MGA: variants seen among roughly 807,000 people sequenced by gnomAD.
MGA encodes the protein MAX gene-associated protein.
In MGA, 40 loss-of-function variants were observed where a neutral mutation model predicts 261.1. That is an observed-to-expected ratio of 0.15 (90% CI 0.12 to 0.20). MGA has a LOEUF of 0.20. Ranked by LOEUF, MGA falls within the 10% of genes least tolerant of loss-of-function variation. The pLI, the probability that MGA is intolerant of heterozygous loss-of-function variation, is 1.00. For missense variants in MGA, 3,397 were observed against 3,630.5 expected (o/e 0.94, Z 1.65); for synonymous variants, 1,302 against 1,290.6 (o/e 1.01, Z -0.19).
chr15:41,656,377 T>TCTCTCTCCCTCTCTCTCTCACA (rs1555403733), upstream of MGA, among the ~76,000 whole-genome samples: 1 of 68,276 alleles, frequency 1.5e-5, no homozygotes, highest in Non-Finnish European at 3.5e-5. Context: ...TCTCTCTCTC[T>TCTCTCTCCCTCTCTCTCTCACA]CACACCCAGG....
intron 18 of MGA, 114 bp from the exon 19 acceptor site, chr15:41,757,673 CA>C: frequency 1.4e-6 from 1 of 704,768 alleles, no homozygotes; most frequent in Non-Finnish European, 2.4e-6. Flanking sequence ...GGCCATATAT[CA>C]CACCTTGGGA....
At chr15:41,699,383 T>C (rs2059717114) in intron 5 of MGA, among the ~76,000 whole-genome samples, 1 of 152,222 alleles carries the variant, frequency 6.6e-6, no homozygotes. Flanking sequence ...TAATATCTTA[T>C]GTAAGAAAAA....
intron 2 of MGA, chr15:41,691,684 G>C (rs766829539): frequency 7.8e-6 from 4 of 513,212 alleles, no homozygotes; most frequent in Non-Finnish European, 1.6e-5. Context: ...GGCTTCTTTT[G>C]GTAGGTATAG....
intron 2 of MGA, 75 bp from the exon 3 acceptor site, chr15:41,695,996 CTTTT>C: frequency 8.0e-6 from 7 of 870,282 alleles, no homozygotes; most frequent in Admixed American, 2.8e-5. Context: ...TTCCTAACAT[CTTTT>C]TTTTTTTTTC....
At chr15:41,689,108 A>G (rs909500733) in intron 2 of MGA, among the ~76,000 whole-genome samples, 1 of 152,208 alleles carries the variant, frequency 6.6e-6, no homozygotes, top group Non-Finnish European at 1.5e-5. Context: ...TATATGGATT[A>G]CAATGTGCAT....
rs887756368 is a variant in MGA at position 41,750,257 on chromosome 15, A to C, written c.6650A>C (p.Gln2217Pro). The change falls in exon 17 of 24, where the codon CAA (glutamine) becomes CCA (proline). Residue 2217 changes from glutamine (Q) to proline (P), a missense_variant. By Grantham distance (76) the Gln-to-Pro change is moderately conservative. Coordinates refer to ENST00000219905, the MANE Select transcript of MGA (RefSeq NM_001164273.2). ...CAGGAAAATTCAGATGTGTTTCAGC[A>C]AGAACAAGGCATCTCTGACTTACTT... 51 of 1,613,876 alleles carry C rather than the reference A, an allele frequency of 3.2e-5. No homozygotes were observed. The highest frequency in any genetic ancestry group is 3.6e-5 in the Non-Finnish European group (42 of 1,179,896).
chr15:41,736,678 A>C lies in MGA; in HGVS notation c.4414A>C (p.Ser1472Arg), dbSNP rs2061795043. 1 of 1,611,390 alleles carries C rather than the reference A, an allele frequency of 6.2e-7. No homozygotes were observed. The highest frequency in any genetic ancestry group is 1.3e-5 in the African/African-American group (1 of 74,826). Residue 1472 changes from serine to arginine, a missense_variant, in exon 13 of 24, where the codon AGT becomes CGT. Transcript: ENST00000219905. ...GGCCTATAAACGTAAACCCAGTTCA[A>C]GTACATCTGGGCTTATCCAGGTGAG...
At chr15:41,643,106 T>C (rs1220035519) in intron 1 of MGA, among the ~76,000 whole-genome samples, 1 of 150,944 alleles carries the variant, frequency 6.6e-6, no homozygotes, top group African/African-American at 2.4e-5. Flanking sequence ...AGGGTCTTGC[T>C]GTGTTGCTGG....
intron 9 of MGA, among the ~76,000 whole-genome samples, chr15:41,726,745 A>AT (rs2061272899): frequency 2.1e-5 from 3 of 146,128 alleles, no homozygotes; most frequent in African/African-American, 2.5e-5. Context: ...AAAAAAAAAA[A>AT]TTTTTTTTCA....
intron 14 of MGA, 108 bp downstream of exon 14, chr15:41,740,311 AT>A: frequency 2.5e-6 from 3 of 1,207,692 alleles, no homozygotes; most frequent in Non-Finnish European, 3.4e-6. Flanking sequence ...CTTTGGCATT[AT>A]TCTTATTCTT....
At chr15:41,732,350 A>C (rs955906980) in intron 11 of MGA, among the ~76,000 whole-genome samples, 11 of 152,050 alleles carry the variant, frequency 7.2e-5, no homozygotes, top group Admixed American at 7.2e-4. Context: ...GGGTTTCACC[A>C]TGTTAGCCAG....
In MGA at chr15:41,720,249, T is replaced by C. The variant is rs572372812; in HGVS notation, c.3430+6753T>C. Among the ~76,000 whole-genome samples, 6 of 152,270 alleles carry C rather than the reference T, an allele frequency of 3.9e-5. No individual in the cohort carries two copies. The East Asian group carries it at 1.2e-3, about 29-fold the overall frequency. ...GACAAGTAGAACAGAATAGAGAGGC[T>C]ACAGGCTGGGTGCTGTGGCTCATGC... On this transcript the variant is annotated intron_variant, in intron 9 of 23. Coordinates refer to ENST00000219905, the MANE Select transcript of MGA (RefSeq NM_001164273.2).
At chr15:41,754,208 C>T (rs2063013061) in intron 17 of MGA, among the ~76,000 whole-genome samples, 1 of 152,098 alleles carries the variant, frequency 6.6e-6, no homozygotes, top group Admixed American at 6.6e-5. Context: ...TGTGAGCCAC[C>T]ACGGCTCACA....
chr15:41,760,337 T>C lies in MGA; in HGVS notation c.7206T>C (p.Pro2402=), dbSNP rs2151990664. 6.2e-7 allele frequency: 1 copy of C among 1,613,958 alleles called. No homozygotes were observed. Among genetic ancestry groups the C allele is most frequent in the Non-Finnish European group, 8.5e-7 (1 of 1,179,870 alleles). ...TGTTTGGACAGGCTCCACCAATTCC[T>C]CTAAAACTGAAGCCTGATTACTGGA... Residue 2402 remains proline (P), a synonymous_variant, in exon 20 of 24, where the codon CCT becomes CCC. Transcript: ENST00000219905.
At chr15:41,704,311 T>TGGC in intron 5 of MGA, among the ~76,000 whole-genome samples, 1 of 152,000 alleles carries the variant, frequency 6.6e-6, no homozygotes, top group Non-Finnish European at 1.5e-5. Context: ...GAATTACAAG[T>TGGC]GTGAGCCATG....
At chr15:41,703,920 A>G (rs1354218500) in intron 5 of MGA, among the ~76,000 whole-genome samples, 18 of 152,052 alleles carry the variant, frequency 1.2e-4, no homozygotes, top group Admixed American at 1.1e-3. Context: ...CAGTGATCAC[A>G]TGTCAGCCCC....
At position 41,767,021 on chromosome 15, in the gene MGA, A is replaced by T; in HGVS notation, c.8939A>T (p.Asp2980Val). The change falls in exon 24 of 24, where the codon GAC becomes GTC. Residue 2980 changes from aspartate (D) to valine (V), a missense_variant. This residue lies in a region of MGA where 647 missense variants were observed against 642.4 expected (regional missense o/e 1.01). Coordinates refer to ENST00000219905, the MANE Select transcript of MGA (RefSeq NM_001164273.2). ...GGCTTGGAGAACAGCAACAGCACAG[A>T]CACTTTGTGGAGGCCTATGCCAAAG... is the stretch of plus-strand genomic sequence containing the variant. The T allele has an allele frequency of 6.2e-7, 1 of 1,614,018 alleles. No individual in the cohort carries two copies. Among genetic ancestry groups the T allele is most frequent in the East Asian group, 2.2e-5 (1 of 44,884 alleles).
intron 3 of MGA, among the ~76,000 whole-genome samples, chr15:41,698,233 A>G (rs529689128): frequency 7.0e-6 from 1 of 142,548 alleles, no homozygotes; most frequent in Non-Finnish European, 1.5e-5. Context: ...CAGTGGCACA[A>G]TCTTGGCTCA....
chr15:41,729,135 T>C, intron 10 of MGA, 29 bp from the exon 11 acceptor site: 1 of 1,603,466 alleles, frequency 6.2e-7, no homozygotes, highest in Admixed American at 1.7e-5. Flanking sequence ...TCCCACTGTA[T>C]GGAATATTTT....
Sources: allele counts gnomAD v4.1 joint callset (sites outside exome capture counted in the v4.1 genomes callset), GRCh38; gene constraint gnomAD v4.1.1; regional missense constraint gnomAD v4.1.1; transcripts MANE v1.5; gene names NCBI Gene and HGNC (gene_info 2026-07-23, HGNC 2026-07-21).